Variants in EYS observed in about 807,000 individuals in gnomAD.
EYS encodes the protein EGF-like photoreceptor maintenance factor, also known as protein eyes shut homolog.
In EYS, 250 loss-of-function variants were observed where a neutral mutation model predicts 282.1. The observed-to-expected ratio is 0.89, with a 90% CI of 0.80 to 0.98. The LOEUF (loss-of-function observed/expected upper bound fraction) is 0.98, where lower values mean the gene tolerates loss of function less well. EYS is among the 50% of genes least tolerant of loss of function. The probability of loss-of-function intolerance (pLI) is 0.00; values close to 1 mark genes in which losing one functional copy is unlikely to be tolerated. For synonymous variants in EYS, 1,355 were observed against 1,282.9 expected (o/e 1.06, Z -1.20); for missense variants, 4,016 against 3,709.0 (o/e 1.08, Z -2.15).
At chr6:64,577,243 C>A (rs114602526) in intron 26 of EYS, among the ~76,000 whole-genome samples, 2 of 152,022 alleles carry the variant, frequency 1.3e-5, no homozygotes, top group African/African-American at 2.4e-5. Context: ...TTGTGGCAGA[C>A]CTAGAAGACT....
intron 13 of EYS, among the ~76,000 whole-genome samples, chr6:65,020,297 C>A (rs1283566414): frequency 2.0e-5 from 3 of 152,194 alleles, no homozygotes; most frequent in African/African-American, 7.2e-5. Flanking sequence ...AAGTTAGTTA[C>A]TTCCTAGATA....
chr6:65,363,934 T>G (rs528121078), intron 8 of EYS, among the ~76,000 whole-genome samples: 12 of 151,644 alleles, frequency 7.9e-5, no homozygotes, highest in African/African-American at 2.9e-4. Flanking sequence ...TTGCATTTGA[T>G]TTTCTCTATT....
intron 31 of EYS, among the ~76,000 whole-genome samples, chr6:64,122,361 T>TA (rs1773619190): frequency 6.6e-6 from 1 of 152,118 alleles, no homozygotes; most frequent in Non-Finnish European, 1.5e-5. Context: ...ATTAGTAGAG[T>TA]AACTCATTAG....
At chr6:64,419,889 A>T (rs903039133) in intron 28 of EYS, among the ~76,000 whole-genome samples, 1 of 152,132 alleles carries the variant, frequency 6.6e-6, no homozygotes, top group Admixed American at 6.5e-5. Flanking sequence ...GGGTCTGGAG[A>T]ACAGTGTCTT....
chr6:64,603,843 A>G (rs1766837280), intron 24 of EYS, among the ~76,000 whole-genome samples: 1 of 149,006 alleles, frequency 6.7e-6, no homozygotes, highest in Non-Finnish European at 1.5e-5. Flanking sequence ...TGTGTATACT[A>G]CTAAAGTAAA....
At chr6:64,185,804 G>A (rs545042519) in intron 31 of EYS, among the ~76,000 whole-genome samples, 5 of 152,212 alleles carry the variant, frequency 3.3e-5, no homozygotes, top group East Asian at 3.9e-4. Flanking sequence ...AAACAACTAC[G>A]TGTCAGAGAG....
intron 31 of EYS, among the ~76,000 whole-genome samples, chr6:64,094,621 A>G (rs1380123509): frequency 6.6e-6 from 1 of 151,650 alleles, no homozygotes; most frequent in Admixed American, 6.6e-5. Flanking sequence ...TCATTTTTTT[A>G]TTGCATCTAT....
intron 11 of EYS, among the ~76,000 whole-genome samples, chr6:65,302,033 A>G (rs1261845958): frequency 6.6e-6 from 1 of 152,242 alleles, no homozygotes; most frequent in Admixed American, 6.5e-5. Flanking sequence ...TATATTGTTC[A>G]GCTATGGAAG....
intron 22 of EYS, among the ~76,000 whole-genome samples, chr6:64,661,080 C>A (rs1768995627): frequency 6.6e-6 from 1 of 152,092 alleles, no homozygotes; most frequent in Non-Finnish European, 1.5e-5. Flanking sequence ...AGAAATAATG[C>A]CACATATCTA....
intron 22 of EYS, among the ~76,000 whole-genome samples, chr6:64,755,067 A>G (rs1341581479): frequency 6.6e-6 from 1 of 152,194 alleles, no homozygotes; most frequent in Non-Finnish European, 1.5e-5. Context: ...GAAGACTCCT[A>G]GATTTGATAA....
At chr6:63,848,670 C>A (rs1049060089) in intron 36 of EYS, among the ~76,000 whole-genome samples, 15 of 152,156 alleles carry the variant, frequency 9.9e-5, no homozygotes, top group African/African-American at 3.6e-4. Flanking sequence ...ATGCTTTTCC[C>A]ATGGTCTTCA....
At chr6:65,173,407 C>T (rs890731621) in intron 12 of EYS, among the ~76,000 whole-genome samples, 2 of 149,734 alleles carry the variant, frequency 1.3e-5, no homozygotes, top group Non-Finnish European at 3.0e-5. Flanking sequence ...AAATATAAAT[C>T]AAAATAGAAC....
At chr6:63,762,395 T>G in intron 41 of EYS, 66 bp downstream of exon 41, 1 of 1,445,362 alleles carries the variant, frequency 6.9e-7, no homozygotes, top group Non-Finnish European at 9.3e-7. Flanking sequence ...AAAAGAAAAC[T>G]GACTTTGAAG....
intron 18 of EYS, among the ~76,000 whole-genome samples, chr6:64,894,286 T>C (rs1767384111): frequency 6.6e-6 from 1 of 152,094 alleles, no homozygotes; most frequent in Admixed American, 6.6e-5. Context: ...TTCGTGATGT[T>C]AATTACAATA....
At chr6:65,357,511 C>G (rs75836822) in intron 8 of EYS, among the ~76,000 whole-genome samples, 24 of 152,008 alleles carry the variant, frequency 1.6e-4, no homozygotes, top group African/African-American at 5.8e-4. Flanking sequence ...TTAAAATATA[C>G]CACAGCTGTT....
At chr6:64,818,144 A>G (rs1764795457) in intron 21 of EYS, among the ~76,000 whole-genome samples, 1 of 152,210 alleles carries the variant, frequency 6.6e-6, no homozygotes, top group Non-Finnish European at 1.5e-5. Flanking sequence ...TGAGAAAGAT[A>G]CATGCCATCC....
At chr6:64,008,010 A>G (rs1257279857) in intron 33 of EYS, among the ~76,000 whole-genome samples, 2 of 152,118 alleles carry the variant, frequency 1.3e-5, no homozygotes, top group Non-Finnish European at 2.9e-5. Context: ...TCAAGTGTCA[A>G]ATTCAGGTCC....
chr6:64,607,865 C>A (rs184537212), intron 24 of EYS, among the ~76,000 whole-genome samples: 5 of 152,008 alleles, frequency 3.3e-5, no homozygotes, highest in African/African-American at 1.2e-4. Context: ...TATGAATAAG[C>A]GACCAACATC....
intron 31 of EYS, among the ~76,000 whole-genome samples, chr6:64,229,420 T>A (rs991420826): frequency 1.6e-4 from 24 of 152,146 alleles, no homozygotes; most frequent in African/African-American, 5.8e-4. Context: ...ATCTCTCTAC[T>A]CAAAGAATAT....
Sources: gnomAD v4.1 joint callset for allele counts (sites outside exome capture counted in the v4.1 genomes callset) on GRCh38, gnomAD v4.1.1 for gene constraint, MANE v1.5 for transcripts, NCBI Gene and HGNC (gene_info 2026-07-23, HGNC 2026-07-21) for gene names.